Variants in IFT43 observed in about 807,000 individuals in gnomAD.
IFT43 encodes intraflagellar transport 43, also known as intraflagellar transport protein 43 homolog.
A neutral mutation model predicts 32.3 loss-of-function variants in IFT43; 33 were observed. The ratio of observed to expected loss-of-function variants is 1.02; its 90% CI spans 0.77 to 1.37. The LOEUF (loss-of-function observed/expected upper bound fraction) is 1.37. Among genes scored for constraint, IFT43 ranks in the 40% most tolerant of loss-of-function variants. The pLI is 0.00. For synonymous variants in IFT43, 93 were observed against 98.2 expected, an observed-to-expected ratio of 0.95 and a Z score of 0.31; for missense variants, 274 against 265.9, an observed-to-expected ratio of 1.03 and a Z score of -0.21.
chr14:76,049,866 G>GC (rs35149013), intron 3 of IFT43, among the ~76,000 whole-genome samples: 48,815 of 151,934 alleles, frequency 0.32, 7,908 homozygotes, highest in Admixed American at 0.34. Context: ...TTAATTTCAA[G>GC]CCCCCAAATC....
At chr14:75,994,815 T>G (rs2035713152) in intron 2 of IFT43, among the ~76,000 whole-genome samples, 1 of 152,248 alleles carries the variant, frequency 6.6e-6, no homozygotes, top group South Asian at 2.1e-4. Flanking sequence ...GCTTGAGCCT[T>G]GACCTTCTAT....
At chr14:76,034,185 A>C (rs1187609932) in intron 3 of IFT43, among the ~76,000 whole-genome samples, 1 of 152,224 alleles carries the variant, frequency 6.6e-6, no homozygotes, top group Non-Finnish European at 1.5e-5. Context: ...AGGTTTAAAC[A>C]ACAAACCTTT....
chr14:76,015,631 A>G (rs534615904), intron 2 of IFT43, among the ~76,000 whole-genome samples: 67 of 152,306 alleles, frequency 4.4e-4, no homozygotes, highest in Admixed American at 1.6e-3. Context: ...TTAGCTGGTG[A>G]TCGCTTTGTT....
intron 5 of IFT43, among the ~76,000 whole-genome samples, chr14:76,080,509 G>A (rs1218287190): frequency 6.6e-6 from 1 of 152,120 alleles, no homozygotes; most frequent in East Asian, 1.9e-4. Flanking sequence ...GGAAAGGGGA[G>A]TTTGGGAAGA....
At chr14:76,057,108 C>T (rs1211196740) in intron 3 of IFT43, among the ~76,000 whole-genome samples, 3 of 152,202 alleles carry the variant, frequency 2.0e-5, no homozygotes, top group African/African-American at 7.2e-5. Context: ...ACCCATTCTC[C>T]CACCTCACTT....
intron 2 of IFT43, among the ~76,000 whole-genome samples, chr14:75,993,672 G>C (rs779491849): frequency 3.9e-4 from 59 of 152,156 alleles, no homozygotes; most frequent in Non-Finnish European, 4.6e-4. Context: ...GAGCAGAGTG[G>C]GTGCAGTCAC....
chr14:76,042,349 G>A (rs528216792), intron 3 of IFT43, among the ~76,000 whole-genome samples: 1 of 152,066 alleles, frequency 6.6e-6, no homozygotes, highest in Non-Finnish European at 1.5e-5. Context: ...TCTGATCCTA[G>A]GGATCATGGT....
chr14:76,001,369 C>T (rs1184614708), intron 2 of IFT43, among the ~76,000 whole-genome samples: 1 of 152,192 alleles, frequency 6.6e-6, no homozygotes, highest in African/African-American at 2.4e-5. Context: ...AGGCAATTTA[C>T]CAGAAATACT....
intron 2 of IFT43, among the ~76,000 whole-genome samples, chr14:76,005,709 T>C (rs1159699673): frequency 1.3e-5 from 2 of 152,192 alleles, no homozygotes; most frequent in Non-Finnish European, 2.9e-5. Context: ...AGCTACCCAA[T>C]TGCTGTACAG....
chr14:76,004,211 A>G (rs1266264698), intron 2 of IFT43, among the ~76,000 whole-genome samples: 3 of 152,284 alleles, frequency 2.0e-5, no homozygotes, highest in Admixed American at 2.0e-4. Flanking sequence ...TTCCCTTAGC[A>G]TTTCTGGTAG....
At chr14:76,007,193 A>G (rs2035995812) in intron 2 of IFT43, among the ~76,000 whole-genome samples, 1 of 152,154 alleles carries the variant, frequency 6.6e-6, no homozygotes, top group Non-Finnish European at 1.5e-5. Flanking sequence ...TAGTAGGGAT[A>G]GTGAAATGTG....
intron 3 of IFT43, among the ~76,000 whole-genome samples, chr14:76,031,886 T>TCAAC (rs2036515323): frequency 6.6e-6 from 1 of 152,186 alleles, no homozygotes; most frequent in Non-Finnish European, 1.5e-5. Flanking sequence ...CTGCATGATC[T>TCAAC]CAACCCAGTC....
intron 3 of IFT43, among the ~76,000 whole-genome samples, chr14:76,044,055 GTT>G (rs1208822237): frequency 1.4e-5 from 2 of 142,046 alleles, no homozygotes. Flanking sequence ...TTTTTTTTTG[GTT>G]TTTTTTTTTT....
intron 3 of IFT43, among the ~76,000 whole-genome samples, chr14:76,027,138 C>T (rs1271444973): frequency 6.6e-6 from 1 of 152,056 alleles, no homozygotes; most frequent in East Asian, 1.9e-4. Flanking sequence ...GGGTACTAGG[C>T]TTAATGTCAG....
At chr14:76,066,084 C>G (rs17103965) in intron 5 of IFT43, among the ~76,000 whole-genome samples, 27,291 of 152,202 alleles carry the variant, frequency 0.18, 2,626 homozygotes, top group African/African-American at 0.24. Flanking sequence ...GATACACTGG[C>G]GTCTCCTTCC....
chr14:76,064,645 G>T (rs2037197922), intron 5 of IFT43, among the ~76,000 whole-genome samples: 1 of 152,204 alleles, frequency 6.6e-6, no homozygotes, highest in African/African-American at 2.4e-5. Context: ...GTTATTTCCT[G>T]CAGGACGTCT....
intron 3 of IFT43, among the ~76,000 whole-genome samples, chr14:76,055,198 T>G (rs2036988004): frequency 6.6e-6 from 1 of 151,828 alleles, no homozygotes. Context: ...AGAAAAAAAT[T>G]AGCCAGGCAC....
intron 2 of IFT43, among the ~76,000 whole-genome samples, chr14:75,990,822 C>G (rs1367937841): frequency 6.6e-6 from 1 of 152,240 alleles, no homozygotes; most frequent in African/African-American, 2.4e-5. Flanking sequence ...TTCTTGGCCT[C>G]TGGCACTTTA....
chr14:76,030,246 A>G (rs891960757), intron 3 of IFT43, among the ~76,000 whole-genome samples: 4 of 151,670 alleles, frequency 2.6e-5, no homozygotes, highest in Non-Finnish European at 5.9e-5. Flanking sequence ...TTTTTTTTCT[A>G]TAATACTAAT....
Sources: allele counts gnomAD v4.1 joint callset (sites outside exome capture counted in the v4.1 genomes callset), GRCh38; gene constraint gnomAD v4.1.1; transcripts MANE v1.5; gene names NCBI Gene and HGNC (gene_info 2026-07-23, HGNC 2026-07-21).